The following DST variants were observed in gnomAD, a reference collection of about 807,000 sequenced individuals.
DST encodes the protein bullous pemphigoid antigen.
In DST, 253 loss-of-function variants were observed where a neutral mutation model predicts 875.2. The ratio of observed to expected loss-of-function variants is 0.29; its 90% CI spans 0.26 to 0.32. DST has a LOEUF of 0.32. Among genes scored for constraint, DST ranks in the 10% least tolerant of loss-of-function variants. DST has a pLI of 1.00. For missense variants in DST, 8,287 were observed against 9,111.6 expected, an observed-to-expected ratio of 0.91 and a Z score of 3.68; for synonymous variants, 3,124 against 3,197.1, an observed-to-expected ratio of 0.98 and a Z score of 0.77.
intron 2 of DST, among the ~76,000 whole-genome samples, chr6:56,917,002 A>G: frequency 7.1e-6 from 1 of 140,614 alleles, no homozygotes; most frequent in Non-Finnish European, 1.5e-5. Context: ...AAAAAAAAAA[A>G]AAAAAAAAAA....
intron 19 of DST, 52 bp from the exon 20 acceptor site, chr6:56,639,825 G>T: frequency 1.3e-6 from 2 of 1,589,096 alleles, no homozygotes; most frequent in South Asian, 2.2e-5. Flanking sequence ...AAGGAATTCT[G>T]ACTCACACTT....
Position 56,572,990 on chromosome 6 carries a change from T to C in DST, c.13311A>G (p.Glu4437=). 6.2e-7 allele frequency: 1 copy of C among 1,608,004 alleles called. No homozygotes were observed. Among genetic ancestry groups the C allele is most frequent in the Middle Eastern group, 1.7e-4 (1 of 6,046 alleles). Reference sequence around the variant, plus strand: ...AGGATGCAGTGGATGGATCTGTTGTTTCCATAAATTTCTTCACTTTTTCAT... The same window carrying C: ...AGGATGCAGTGGATGGATCTGTTGTCTCCATAAATTTCTTCACTTTTTCAT... The part of the protein sequence containing the change: ...AMNEKVKKFM[E]TTDPSTASSL... The change falls in exon 52 of 104, where the codon GAA becomes GAG. Residue 4437 remains glutamate (E), a synonymous_variant. Transcript: ENST00000680361.
rs1034478828 is a variant in DST at position 56,602,906 on chromosome 6, T to C, written c.11283A>G (p.Val3761=). Residue 3761 remains valine (V), a synonymous_variant, in exon 43 of 104, where the codon GTA becomes GTG. Coordinates refer to ENST00000680361, the MANE Select transcript of DST (RefSeq NM_001374736.1). ...EIVNVQDSEY[V]KKRLEFLKNV... Reference sequence around the variant, plus strand: ...CCTTGAGAAACTCCAAACGTTTCTTTACATACTCAGAATCTTGAACATTCA... The same window carrying C: ...CCTTGAGAAACTCCAAACGTTTCTTCACATACTCAGAATCTTGAACATTCA... The C allele has an allele frequency of 6.4e-7, 1 of 1,555,210 alleles. No individual in the cohort carries two copies. Among genetic ancestry groups the C allele is most frequent in the Non-Finnish European group, 8.6e-7 (1 of 1,160,132 alleles).
At chr6:56,743,034 G>A (rs975546745) in intron 4 of DST, among the ~76,000 whole-genome samples, 1 of 152,134 alleles carries the variant, frequency 6.6e-6, no homozygotes, top group Non-Finnish European at 1.5e-5. Context: ...GATTCTAAAC[G>A]TTTATGTCAT....
chr6:56,594,027 T>C lies in DST; in HGVS notation c.12362A>G (p.Glu4121Gly). Residue 4121 changes from glutamate (E) to glycine (G), a missense_variant, in exon 48 of 104, where the codon GAG becomes GGG. Transcript: ENST00000680361. ...LKVHYETALAESEKKMKLTHS... is the reference protein window; with the variant it reads ...LKVHYETALAGSEKKMKLTHS... ...AGTTAACTTCATTTTCTTCTCTGACTCAGCCAGTGCAGTTTCATAATGCAC... is the reference window on the plus strand; with the variant it reads ...AGTTAACTTCATTTTCTTCTCTGACCCAGCCAGTGCAGTTTCATAATGCAC... 6.2e-7 allele frequency: 1 copy of C among 1,613,896 alleles called. No homozygotes were observed. The highest frequency in any genetic ancestry group is 2.2e-5 in the East Asian group (1 of 44,870).
At chr6:56,592,619 C>T (rs1406779558) in intron 48 of DST, among the ~76,000 whole-genome samples, 1 of 152,090 alleles carries the variant, frequency 6.6e-6, no homozygotes, top group Non-Finnish European at 1.5e-5. Flanking sequence ...TGAGTCTTAA[C>T]ATAGAATAAA....
chr6:56,606,644 A>G lies in DST; in HGVS notation c.7984T>C (p.Ser2662Pro), dbSNP rs763539646. Residue 2662 changes from serine (S) to proline (P), a missense_variant, in exon 40 of 104, where the codon TCA becomes CCA. Physicochemically the swap from Ser to Pro is moderately conservative, Grantham distance 74. Transcript: ENST00000680361. ...ASPADVFYDV[S>P]KENENSMVPQ... ...ACCATGGAATTTTCATTCTCTTTTG[A>G]GACATCATAAAAAACATCAGCAGGA... 6.2e-7 allele frequency: 1 copy of G among 1,613,572 alleles called. No individual in the cohort carries two copies. Among genetic ancestry groups the G allele is most frequent in the South Asian group, 1.1e-5 (1 of 91,068 alleles).
intron 2 of DST, among the ~76,000 whole-genome samples, chr6:56,923,315 T>C: frequency 6.6e-6 from 1 of 152,036 alleles, no homozygotes; most frequent in East Asian, 1.9e-4. Flanking sequence ...ATTAAAAAGA[T>C]TACCTACCAG....
At chr6:56,697,593 T>G (rs1220163690) in intron 9 of DST, among the ~76,000 whole-genome samples, 1 of 152,144 alleles carries the variant, frequency 6.6e-6, no homozygotes, top group East Asian at 1.9e-4. Context: ...AGTAGTAACA[T>G]GACTGGCATC....
intron 3 of DST, among the ~76,000 whole-genome samples, chr6:56,881,062 GA>G: frequency 6.6e-6 from 1 of 151,730 alleles, no homozygotes; most frequent in East Asian, 2.0e-4. Flanking sequence ...TGTTAGCCAG[GA>G]TGGTCTCGAT....
intron 49 of DST, among the ~76,000 whole-genome samples, chr6:56,586,545 G>T (rs1477948628): frequency 1.3e-5 from 2 of 151,870 alleles, no homozygotes; most frequent in Non-Finnish European, 2.9e-5. Flanking sequence ...CTTGACTCTT[G>T]ATCCAATTTG....
At chr6:56,592,826 C>T (rs1237862770) in intron 48 of DST, among the ~76,000 whole-genome samples, 1 of 151,548 alleles carries the variant, frequency 6.6e-6, no homozygotes, top group African/African-American at 2.4e-5. Context: ...ATCATTTATG[C>T]AACTTGGCAA....
chr6:56,766,520 G>A (rs954208703), intron 4 of DST, among the ~76,000 whole-genome samples: 3 of 151,324 alleles, frequency 2.0e-5, no homozygotes, highest in Admixed American at 6.6e-5. Context: ...CAATTGCTGC[G>A]GTATCTTTTT....
intron 61 of DST, among the ~76,000 whole-genome samples, chr6:56,544,742 T>C (rs1439400880): frequency 6.6e-6 from 1 of 152,222 alleles, no homozygotes; most frequent in Non-Finnish European, 1.5e-5. Flanking sequence ...ATTCCTTTTT[T>C]ATTGAACTGA....
Position 56,509,893 on chromosome 6 carries a change from ATCTTTTATGG to A in DST, c.18781-30_18781-21del, listed in dbSNP as rs1388494732. 2 of 1,536,610 alleles carry A rather than the reference ATCTTTTATGG, an allele frequency of 1.3e-6. No individual in the cohort carries two copies. Among genetic ancestry groups the A allele is most frequent in the Admixed American group, 2.0e-5 (1 of 48,988 alleles). On this transcript the variant is annotated intron_variant, in intron 73 of 103. Coordinates refer to ENST00000680361, the MANE Select transcript of DST (RefSeq NM_001374736.1). ...ATGGAACTAGGGGCAAAACAAAGAG[ATCTTTTATGG>A]AAAAAAGATCTGTAATACCAAGTGT...
intron 4 of DST, among the ~76,000 whole-genome samples, chr6:56,831,953 T>C (rs1562074169): frequency 6.6e-6 from 1 of 152,214 alleles, no homozygotes; most frequent in Non-Finnish European, 1.5e-5. Flanking sequence ...TATAAAAGTA[T>C]TTCATTCCAT....
chr6:56,823,332 C>G (rs115785307), intron 4 of DST, among the ~76,000 whole-genome samples: 1,894 of 152,252 alleles, frequency 0.012, 46 homozygotes, highest in African/African-American at 0.043. Flanking sequence ...AGAATTTTGT[C>G]CTTCACTATG....
At chr6:56,592,036 T>G (rs895019481) in intron 49 of DST, 146 bp downstream of exon 49, 3 of 553,994 alleles carry the variant, frequency 5.4e-6, no homozygotes, top group African/African-American at 4.5e-5. Context: ...TGTGGAGAAA[T>G]AGAGTCAAAA....
chr6:56,781,007 C>G (rs1354809397), intron 4 of DST, among the ~76,000 whole-genome samples: 5 of 152,152 alleles, frequency 3.3e-5, no homozygotes, highest in African/African-American at 9.6e-5. Flanking sequence ...GCTTGTTTTT[C>G]TCAGGTTTGT....
Sources: allele counts gnomAD v4.1 joint callset (sites outside exome capture counted in the v4.1 genomes callset), GRCh38; gene constraint gnomAD v4.1.1; transcripts MANE v1.5; gene names NCBI Gene and HGNC (gene_info 2026-07-23, HGNC 2026-07-21).